Variants in ELP3 observed in about 807,000 individuals in gnomAD.
ELP3 encodes the protein elongator complex protein 3.
In ELP3, 56 loss-of-function variants were observed where a neutral mutation model predicts 74.9. The ratio of observed to expected loss-of-function variants is 0.75; its 90% CI spans 0.60 to 0.93. ELP3 has a LOEUF of 0.93. Among genes scored for constraint, ELP3 ranks in the 40% least tolerant of loss-of-function variants. The pLI is 0.00. For missense variants in ELP3, 573 were observed against 686.5 expected, an observed-to-expected ratio of 0.83 and a Z score of 1.85; for synonymous variants, 222 against 239.8, an observed-to-expected ratio of 0.93 and a Z score of 0.68.
At chr8:28,131,655 T>C (rs1473281460) in intron 8 of ELP3, among the ~76,000 whole-genome samples, 2 of 152,218 alleles carry the variant, frequency 1.3e-5, no homozygotes, top group Non-Finnish European at 1.5e-5. Flanking sequence ...ACTTGTTTCC[T>C]GCTGGATTGG....
chr8:28,156,231 C>T (rs1415636634), intron 11 of ELP3, among the ~76,000 whole-genome samples, 199 bp downstream of exon 11: 2 of 152,216 alleles, frequency 1.3e-5, no homozygotes, highest in African/African-American at 4.8e-5. Flanking sequence ...CCTTCATTCC[C>T]TTCTGCTTTC....
upstream of ELP3, chr8:28,090,482 G>GGTGTGGGTGTGT (rs1554492429): frequency 4.1e-3 from 656 of 160,302 alleles, 4 homozygotes; most frequent in African/African-American, 0.016. Context: ...CTGATGGGTG[G>GGTGTGGGTGTGT]GTGTGTGTGT....
chr8:28,160,795 A>C (rs1315038391), intron 13 of ELP3, among the ~76,000 whole-genome samples: 2 of 38,612 alleles, frequency 5.2e-5, no homozygotes, highest in African/African-American at 3.8e-4. Flanking sequence ...CCCTGGTTCA[A>C]GTGATTCTCC....
At chr8:28,125,759 C>CTTTTTTT (rs755484214) in intron 7 of ELP3, among the ~76,000 whole-genome samples, 191 of 92,132 alleles carry the variant, frequency 2.1e-3, no homozygotes, top group Middle Eastern at 0.016. Context: ...AGTCATTTCT[C>CTTTTTTT]TTTTTTTTTT....
intron 14 of ELP3, among the ~76,000 whole-genome samples, chr8:28,174,507 G>A (rs1005831141): frequency 2.6e-5 from 4 of 152,024 alleles, no homozygotes; most frequent in Non-Finnish European, 5.9e-5. Context: ...TACCAAGTGA[G>A]TTTTAATAGT....
chr8:28,127,114 G>T (rs909282705), intron 7 of ELP3, among the ~76,000 whole-genome samples: 1 of 152,194 alleles, frequency 6.6e-6, no homozygotes, highest in African/African-American at 2.4e-5. Flanking sequence ...TTGAAATGGA[G>T]TTAAATTATT....
chr8:28,162,353 C>T (rs1184095887), intron 14 of ELP3, among the ~76,000 whole-genome samples: 1 of 152,198 alleles, frequency 6.6e-6, no homozygotes, highest in Non-Finnish European at 1.5e-5. Flanking sequence ...CCTCTTTGTG[C>T]TGTGCCCAGT....
chr8:28,169,684 T>G (rs1272169316), intron 14 of ELP3, among the ~76,000 whole-genome samples: 2 of 152,206 alleles, frequency 1.3e-5, no homozygotes, highest in Non-Finnish European at 2.9e-5. Flanking sequence ...ATTTTTTATC[T>G]CATGGTTTCT....
intron 1 of ELP3, chr8:28,093,654 G>T: frequency 5.2e-6 from 1 of 191,786 alleles, no homozygotes. Flanking sequence ...TTCAGTGTAA[G>T]AGTTGTGCAT....
rs7012773 is a variant in ELP3, at chr8:28,129,489, A to T, written c.618-13A>T. On this transcript the variant is annotated splice_polypyrimidine_tract_variant and intron_variant, in intron 7 of 14. Coordinates refer to ENST00000256398, the MANE Select transcript of ELP3 (RefSeq NM_018091.6). ...ACCTGCAACAGGTTAATTATTTTAGATTTGCTCTACAGGTATTCTGAGAGA... is the reference window on the plus strand; with the variant it reads ...ACCTGCAACAGGTTAATTATTTTAGTTTTGCTCTACAGGTATTCTGAGAGA... 0.011 allele frequency: 18,022 copies of T among 1,613,780 alleles called. 125 individuals carry two copies. The highest frequency in any genetic ancestry group is 0.013 in the Non-Finnish European group (15,166 of 1,179,722).
intron 5 of ELP3, 80 bp from the exon 6 acceptor site, chr8:28,110,290 T>G: frequency 8.0e-7 from 1 of 1,257,498 alleles, no homozygotes; most frequent in African/African-American, 1.6e-5. Flanking sequence ...CCATGGAGAG[T>G]TTTTTTTAAA....
intron 7 of ELP3, among the ~76,000 whole-genome samples, chr8:28,124,253 G>T (rs1380015196): frequency 6.6e-6 from 1 of 152,120 alleles, no homozygotes; most frequent in Non-Finnish European, 1.5e-5. Flanking sequence ...CTTAATAAAT[G>T]CTAAGTGAAT....
chr8:28,092,911 C>CT, upstream of ELP3: 1 of 509,160 alleles, frequency 2.0e-6, no homozygotes, highest in Non-Finnish European at 3.6e-6. Flanking sequence ...TGTCCCATAG[C>CT]TGTACTGCCC....
chr8:28,138,778 G>A (rs1813098691), intron 10 of ELP3, among the ~76,000 whole-genome samples: 1 of 152,168 alleles, frequency 6.6e-6, no homozygotes, highest in African/African-American at 2.4e-5. Context: ...AAGGTCAAAG[G>A]ACATTTACAT....
upstream of ELP3, among the ~76,000 whole-genome samples, chr8:28,091,880 G>C (rs1419249295): frequency 6.6e-6 from 1 of 152,172 alleles, no homozygotes; most frequent in African/African-American, 2.4e-5. Context: ...AGAGCAGACA[G>C]AAGGGGAAAG....
intron 14 of ELP3, among the ~76,000 whole-genome samples, chr8:28,182,610 C>T (rs145070359): frequency 6.6e-6 from 1 of 152,146 alleles, no homozygotes; most frequent in Non-Finnish European, 1.5e-5. Flanking sequence ...ACCCACCCCC[C>T]CTTTTTTTTG....
chr8:28,092,802 C>CCCAGT, upstream of ELP3: 1 of 176,114 alleles, frequency 5.7e-6, no homozygotes, highest in Non-Finnish European at 1.2e-5. Flanking sequence ...CCACCCTCCC[C>CCCAGT]GGATGTGACG....
At chr8:28,180,128 C>T (rs1342445314) in intron 14 of ELP3, among the ~76,000 whole-genome samples, 4 of 152,098 alleles carry the variant, frequency 2.6e-5, no homozygotes, top group East Asian at 3.9e-4. Context: ...ATGGATTTCC[C>T]GTTTGGGCTT....
At chr8:28,173,858 G>A (rs994458466) in intron 14 of ELP3, among the ~76,000 whole-genome samples, 3 of 151,720 alleles carry the variant, frequency 2.0e-5, no homozygotes, top group African/African-American at 4.8e-5. Context: ...TTCTTCTTTA[G>A]CCCATTGGTT....
Sources: allele counts gnomAD v4.1 joint callset (sites outside exome capture counted in the v4.1 genomes callset), GRCh38; gene constraint gnomAD v4.1.1; transcripts MANE v1.5; gene names NCBI Gene and HGNC (gene_info 2026-07-23, HGNC 2026-07-21).